The following USP47 variants were observed in gnomAD, a reference collection of about 807,000 sequenced individuals.
The protein encoded by USP47 is ubiquitin specific peptidase 47.
A neutral mutation model predicts 165.1 loss-of-function variants in USP47; 35 were observed. The ratio of observed to expected loss-of-function variants is 0.21; its 90% CI spans 0.16 to 0.28. The LOEUF (loss-of-function observed/expected upper bound fraction) is 0.28. Ranked by LOEUF, USP47 falls within the 10% of genes least tolerant of loss-of-function variation. The pLI, the probability that USP47 is intolerant of heterozygous loss-of-function variation, is 1.00. For synonymous variants in USP47, 531 were observed against 544.5 expected (o/e 0.98, Z 0.35); for missense variants, 1,277 against 1,607.4 (o/e 0.79, Z 3.52).
rs1388768199 is a variant in USP47, at chr11:11,930,077, G to A, written c.1552G>A (p.Gly518Arg). ...AGAGGACATTAAGAAAACACATGGT[G>A]GATCTTCAGGAAGCAGAGGATATTA... Reference protein sequence around the residue: ...TQEDIKKTHGGSSGSRGYYSS... With the variant: ...TQEDIKKTHGRSSGSRGYYSS... Residue 518 changes from glycine to arginine, a missense_variant, in exon 13 of 28, where the codon GGA becomes AGA. Coordinates refer to ENST00000527733, the MANE Select transcript of USP47 (RefSeq NM_001282659.2). 6.2e-7 allele frequency: 1 copy of A among 1,613,352 alleles called. No homozygotes were observed. Among genetic ancestry groups the A allele is most frequent in the Non-Finnish European group, 8.5e-7 (1 of 1,179,442 alleles).
At chr11:11,917,355 A>G (rs1853497817) in intron 8 of USP47, among the ~76,000 whole-genome samples, 1 of 152,182 alleles carries the variant, frequency 6.6e-6, no homozygotes, top group Admixed American at 6.6e-5. Context: ...GCCATTGAGG[A>G]GTTCATTAGA....
intron 4 of USP47, among the ~76,000 whole-genome samples, chr11:11,895,516 T>C (rs940958206): frequency 6.6e-6 from 1 of 152,226 alleles, no homozygotes; most frequent in African/African-American, 2.4e-5. Context: ...AATGTTCTTA[T>C]TAGAAAATGC....
chr11:11,956,004 T>C lies in USP47; in HGVS notation c.3897T>C (p.Asp1299=). 1 of 1,558,746 alleles carries C rather than the reference T, an allele frequency of 6.4e-7. No individual in the cohort carries two copies. The highest frequency in any genetic ancestry group is 8.6e-7 in the Non-Finnish European group (1 of 1,158,928). ...GTGATTAATATTTTATATGTAGGGATAAAACAGAAGAATTAATGGAATTGA... is the reference window on the plus strand; with the variant it reads ...GTGATTAATATTTTATATGTAGGGACAAAACAGAAGAATTAATGGAATTGA... ...CDDGAVIFYR[D]KTEELMELTD... Residue 1299 remains aspartate, a synonymous_variant, in exon 28 of 28, where the codon GAT becomes GAC. Coordinates refer to ENST00000527733, the MANE Select transcript of USP47 (RefSeq NM_001282659.2).
intron 1 of USP47, among the ~76,000 whole-genome samples, chr11:11,859,823 G>A (rs76193870): frequency 0.027 from 4,114 of 152,134 alleles, 194 homozygotes; most frequent in African/African-American, 0.092. Context: ...TATGTGGATG[G>A]CCAGGCACCG....
At chr11:11,899,395 G>A (rs546078880) in intron 5 of USP47, among the ~76,000 whole-genome samples, 24 of 152,234 alleles carry the variant, frequency 1.6e-4, no homozygotes, top group Non-Finnish European at 2.6e-4. Context: ...GACATTTACT[G>A]TGTGCTAGGC....
At chr11:11,877,829 G>C (rs1036549968) in intron 1 of USP47, among the ~76,000 whole-genome samples, 150 of 79,332 alleles carry the variant, frequency 1.9e-3, no homozygotes, top group South Asian at 0.013. Flanking sequence ...GTGTGTGTGT[G>C]TGTGTGTGTG....
In USP47 at chr11:11,942,552, G is replaced by C. The variant is rs1855549764; in HGVS notation, c.2531G>C (p.Gly844Ala). 4.3e-6 allele frequency: 7 copies of C among 1,613,590 alleles called. No homozygotes were observed. Among genetic ancestry groups the C allele is most frequent in the Admixed American group, 1.7e-5 (1 of 59,882 alleles). Residue 844 changes from glycine (G) to alanine (A), a missense_variant, in exon 20 of 28, where the codon GGA becomes GCA. This residue lies in a region of USP47 where 909 missense variants were observed against 1,068.1 expected (regional missense o/e 0.85). Transcript: ENST00000527733. Reference protein sequence around the residue: ...DDCERVKGPVGSLKSVEAILE... With the variant: ...DDCERVKGPVASLKSVEAILE... ...TGTGAAAGAGTCAAAGGACCTGTAG[G>C]AAGCCTAAAGTCTGTGGAAGCTATT...
intron 8 of USP47, among the ~76,000 whole-genome samples, chr11:11,918,910 T>C (rs559394241): frequency 7.9e-5 from 12 of 152,098 alleles, no homozygotes; most frequent in Non-Finnish European, 1.6e-4. Flanking sequence ...TAAAGCTTGT[T>C]TTTCTGTTGT....
rs542320696 is a variant in USP47 at position 11,920,223 on chromosome 11, G to A, written c.1037G>A (p.Arg346His). The A allele has an allele frequency of 8.7e-6, 14 of 1,609,104 alleles. 1 individual carries two copies. The highest frequency in any genetic ancestry group is 1.7e-4 in the Middle Eastern group (1 of 6,044). Residue 346 changes from arginine to histidine, a missense_variant, in exon 9 of 28, where the codon CGT becomes CAT. Physicochemically the swap from Arg to His is conservative, Grantham distance 29. This residue lies in a region of USP47 where 175 missense variants were observed against 295.8 expected (regional missense o/e 0.59). Coordinates refer to ENST00000527733, the MANE Select transcript of USP47 (RefSeq NM_001282659.2). ...GGCCCAAATCAGTATTTTTGTGAACGTTGTAAGAAGAAGTGTGATGCACGG... is the reference window on the plus strand; with the variant it reads ...GGCCCAAATCAGTATTTTTGTGAACATTGTAAGAAGAAGTGTGATGCACGG... ...LDGPNQYFCERCKKKCDARKG... is the reference protein window; with the variant it reads ...LDGPNQYFCEHCKKKCDARKG...
chr11:11,850,955 T>G (rs566017216), intron 1 of USP47, among the ~76,000 whole-genome samples: 1 of 152,280 alleles, frequency 6.6e-6, no homozygotes, highest in South Asian at 2.1e-4. Context: ...CTAATCTCAT[T>G]TATGAGGGCC....
Position 11,864,492 on chromosome 11 carries a change from C to G in USP47, c.40-15685C>G, listed in dbSNP as rs189189030. Among the ~76,000 whole-genome samples the G allele has an allele frequency of 2.0e-3, 304 of 152,116 alleles. 2 individuals carry two copies. The highest frequency in any genetic ancestry group is 7.0e-3 in the African/African-American group (291 of 41,526). The stretch of plus-strand genomic sequence containing the variant: ...CATCTATCCACAGAACTCTTTTCAT[C>G]TTACAAAACTGAAACCATGTACCTA... On this transcript the variant is annotated intron_variant, in intron 1 of 27. Transcript: ENST00000527733.
chr11:11,931,372 C>T (rs942518472), intron 14 of USP47, among the ~76,000 whole-genome samples: 8 of 151,998 alleles, frequency 5.3e-5, no homozygotes, highest in African/African-American at 1.7e-4. Context: ...ATTCTAGGAT[C>T]TGTCATATAG....
In USP47 at chr11:11,881,371, A is replaced by G. The variant is rs933801439; in HGVS notation, c.243+991A>G. 3.3e-5 allele frequency among the ~76,000 whole-genome samples: 5 copies of G among 152,126 alleles called. No homozygotes were observed. In the East Asian group the frequency reaches 9.6e-4, roughly 29 times the overall value. On this transcript the variant is annotated intron_variant, in intron 2 of 27. Transcript: ENST00000527733. Reference sequence around the variant, plus strand: ...CAGGAAATAAGCACTGCTGTCTGCTACGTAGTCCAAGGAGAAAAAGAGAGG... The same window carrying G: ...CAGGAAATAAGCACTGCTGTCTGCTGCGTAGTCCAAGGAGAAAAAGAGAGG...
In USP47 at chr11:11,933,214, A is replaced by G. The variant is rs534294905; in HGVS notation, c.1764+98A>G. The G allele has an allele frequency of 8.4e-5, 79 of 942,260 alleles. No homozygotes were observed. The African/African-American group carries it at 1.2e-3, about 14-fold the overall frequency. 58.4% of individuals were successfully genotyped at this position (942,260 alleles called of 1,614,324 possible). ...AACTCATTGGGTTGATTCTGAGACA[A>G]TTATGCTATCATGATCATTGAACAG... On this transcript the variant is annotated intron_variant, in intron 15 of 27. Transcript: ENST00000527733.
chr11:11,892,827 AAAAAAAAG>A (rs1318121700), intron 4 of USP47, among the ~76,000 whole-genome samples: 2 of 143,294 alleles, frequency 1.4e-5, no homozygotes, highest in East Asian at 2.1e-4. Context: ...GTAAAAAAAA[AAAAAAAAG>A]AAAAAGAAAA....
In USP47 at chr11:11,961,030, T is replaced by C. The variant is rs1847430455; in HGVS notation, c.*4855T>C. Among the ~76,000 whole-genome samples, 1 of 152,122 alleles carries C rather than the reference T, an allele frequency of 6.6e-6. No individual in the cohort carries two copies. Among genetic ancestry groups the C allele is most frequent in the South Asian group, 2.1e-4 (1 of 4,832 alleles). Reference sequence around the variant, plus strand: ...GTCAGAAATGCTTTTTGGCTTCAAATAACAGAAAAGCTAACACCAGCTTTA... The same window carrying C: ...GTCAGAAATGCTTTTTGGCTTCAAACAACAGAAAAGCTAACACCAGCTTTA... On this transcript the variant is annotated 3_prime_UTR_variant, in exon 28 of 28. Transcript: ENST00000527733.
chr11:11,943,353 G>T, intron 20 of USP47: 1 of 304,112 alleles, frequency 3.3e-6, no homozygotes, highest in East Asian at 5.4e-5. Context: ...TGTTAGGAAG[G>T]AATTATGATA....
intron 20 of USP47, 96 bp from the exon 21 acceptor site, chr11:11,947,849 C>T: frequency 1.5e-6 from 2 of 1,295,926 alleles, no homozygotes; most frequent in Non-Finnish European, 2.1e-6. Flanking sequence ...CTCTTTACTG[C>T]ATACAGTGTA....
chr11:11,874,509 CTTAGAAATG>C (rs968656953), intron 1 of USP47, among the ~76,000 whole-genome samples: 14 of 151,302 alleles, frequency 9.3e-5, no homozygotes, highest in African/African-American at 3.2e-4. Context: ...CATTAATAGC[CTTAGAAATG>C]TTACTTGTTA....
Sources: allele counts gnomAD v4.1 joint callset (sites outside exome capture counted in the v4.1 genomes callset), GRCh38; gene constraint gnomAD v4.1.1; regional missense constraint gnomAD v4.1.1; transcripts MANE v1.5; gene names NCBI Gene and HGNC (gene_info 2026-07-23, HGNC 2026-07-21).